The following GPS2 variants were observed in gnomAD, a reference collection of about 807,000 sequenced individuals.
GPS2 encodes GPS-2.
A neutral mutation model predicts 48.1 loss-of-function variants in GPS2; 22 were observed. The observed-to-expected ratio is 0.46, with a 90% confidence interval of 0.33 to 0.65. The LOEUF (loss-of-function observed/expected upper bound fraction) is 0.65, where lower values mean the gene tolerates loss of function less well. Among genes scored for constraint, GPS2 ranks in the 30% least tolerant of loss-of-function variants. The pLI is 0.03. For synonymous variants in GPS2, 202 were observed against 142.5 expected, an observed-to-expected ratio of 1.42 and a Z score of -2.98; for missense variants, 366 against 406.8, an observed-to-expected ratio of 0.90 and a Z score of 0.86.
Position 7,315,007 on chromosome 17 carries a change from T to A in GPS2, c.46A>T (p.Arg16Trp). ...ERPKLSNAMA[R>W]ALHRHIMMER... ...ATCATAATGTGCCGGTGCAGCGCCC[T>A]GGCCATGGCGTTGGAAAGCTTGGGG... Residue 16 changes from arginine to tryptophan, a missense_variant, in exon 2 of 11, where the codon AGG (arginine) becomes TGG (tryptophan). Coordinates refer to ENST00000380728, the MANE Select transcript of GPS2 (RefSeq NM_004489.5). 6.2e-7 allele frequency: 1 copy of A among 1,604,600 alleles called. No individual in the cohort carries two copies. Among genetic ancestry groups the A allele is most frequent in the Non-Finnish European group, 8.5e-7 (1 of 1,176,344 alleles).
In GPS2 at chr17:7,313,559, A is replaced by G. The variant is rs1159447408; in HGVS notation, c.634+9T>C. 7 of 1,613,526 alleles carry G rather than the reference A, an allele frequency of 4.3e-6. No homozygotes were observed. The highest frequency in any genetic ancestry group is 1.3e-5 in the African/African-American group (1 of 74,890). On this transcript the variant is annotated intron_variant, in intron 7 of 10. Transcript: ENST00000380728. ...AGGAAGGCCAAGCCCCATCCCTCCT[A>G]TTACTCACCTCTGAGCTGCTGACTA... is the stretch of plus-strand genomic sequence containing the variant.
chr17:7,312,742 ATATAATCTGATGG>A lies in GPS2; in HGVS notation c.*1_*13del, dbSNP rs1314588903. On this transcript the variant is annotated 3_prime_UTR_variant, in exon 11 of 11. Coordinates refer to ENST00000380728, the MANE Select transcript of GPS2 (RefSeq NM_004489.5). ...TGGGGTGGGGGGTGTGGTGTTGAAG[ATATAATCTGATGG>A]TCACTTGTGGTAGAATCGCGGGTTC... 10 of 1,604,874 alleles carry A rather than the reference ATATAATCTGATGG, an allele frequency of 6.2e-6. No homozygotes were observed. Among genetic ancestry groups the A allele is most frequent in the Non-Finnish European group, 5.1e-6 (6 of 1,171,672 alleles).
Position 7,314,948 on chromosome 17 carries a change from C to A in GPS2, c.94+11G>T. On this transcript the variant is annotated intron_variant, in intron 2 of 10. Coordinates refer to ENST00000380728, the MANE Select transcript of GPS2 (RefSeq NM_004489.5). ...TGGGCCGTGCGTCCCCCTGCTATGG[C>A]CCCGGCTCACCCTGCCGCTTGCGCT... 1 of 1,566,000 alleles carries A rather than the reference C, an allele frequency of 6.4e-7. No individual in the cohort carries two copies. The highest frequency in any genetic ancestry group is 8.6e-7 in the Non-Finnish European group (1 of 1,156,138).
intron 6 of GPS2, 85 bp downstream of exon 6, chr17:7,313,821 G>A (rs2072898503): frequency 4.5e-6 from 7 of 1,566,786 alleles, no homozygotes; most frequent in South Asian, 3.4e-5. Context: ...AAACTTAAGT[G>A]CTTGATATGT....
intron 6 of GPS2, 56 bp downstream of exon 6, chr17:7,313,850 T>C: frequency 6.4e-7 from 1 of 1,569,352 alleles, no homozygotes; most frequent in Non-Finnish European, 8.8e-7. Flanking sequence ...TGAATACTGG[T>C]GGCAAGGATG....
intron 5 of GPS2, 25 bp from the exon 6 acceptor site, chr17:7,314,013 A>C: frequency 6.2e-7 from 1 of 1,612,130 alleles, no homozygotes; most frequent in South Asian, 1.1e-5. Flanking sequence ...GGGCTTCATG[A>C]TGCTGAAATG....
chr17:7,313,462 C>T lies in GPS2; in HGVS notation c.642G>A (p.Ser214=), dbSNP rs753127153. 28 of 1,613,970 alleles carry T rather than the reference C, an allele frequency of 1.7e-5. No homozygotes were observed. The highest frequency in any genetic ancestry group is 1.1e-4 in the South Asian group (10 of 91,070). ...ATAGGTACTGCACTGCAGGGAATGC[C>T]GAAGGAGCTGAGAAAGGAAAAGACA... ...YSPSQQLRAP[S]AFPAVQYLSQ... Residue 214 remains serine (S), a synonymous_variant, in exon 8 of 11, where the codon TCG becomes TCA. Coordinates refer to ENST00000380728, the MANE Select transcript of GPS2 (RefSeq NM_004489.5).
Position 7,314,283 on chromosome 17 carries a change from G to A in GPS2, c.317+8C>T, listed in dbSNP as rs750683832. On this transcript the variant is annotated splice_region_variant and intron_variant, in intron 4 of 10. Transcript: ENST00000380728. Reference sequence around the variant, plus strand: ...CCCCCATTTCAGTTTTTAGCACTCTGATCCCACCTCTGTTCCTTTCGCCTC... The same window carrying A: ...CCCCCATTTCAGTTTTTAGCACTCTAATCCCACCTCTGTTCCTTTCGCCTC... 1.2e-6 allele frequency: 2 copies of A among 1,613,162 alleles called. No homozygotes were observed. Among genetic ancestry groups the A allele is most frequent in the Non-Finnish European group, 1.7e-6 (2 of 1,179,286 alleles).
chr17:7,313,809 C>T (rs2072898382), intron 6 of GPS2, 88 bp from the exon 7 acceptor site: 11 of 1,577,622 alleles, frequency 7.0e-6, no homozygotes, highest in Middle Eastern at 1.7e-4. Flanking sequence ...CCGTTTCCCC[C>T]TAAACTTAAG....
chr17:7,313,830 GT>G, intron 6 of GPS2, 75 bp downstream of exon 6: 1 of 1,566,382 alleles, frequency 6.4e-7, no homozygotes. Context: ...TGCTTGATAT[GT>G]TTGTGACTTG....
At chr17:7,314,830 C>T in intron 2 of GPS2, 129 bp downstream of exon 2, 2 of 1,310,214 alleles carry the variant, frequency 1.5e-6, no homozygotes, top group Non-Finnish European at 2.2e-6. Context: ...AATCCCACCA[C>T]AACGGGGCTA....
In GPS2 at chr17:7,312,673, G is replaced by A. The variant is rs1394059856; in HGVS notation, c.*83C>T. 6.3e-6 allele frequency: 7 copies of A among 1,113,184 alleles called. No individual in the cohort carries two copies. The South Asian group carries it at 8.7e-5, about 14-fold the overall frequency. The allele number at this position is 1,113,184 out of a possible 1,614,324, so 69.0% of individuals were successfully genotyped here. On this transcript the variant is annotated 3_prime_UTR_variant, in exon 11 of 11. Transcript: ENST00000380728. ...CAGCAGCCAGGGGCAGTGGCAGGTA[G>A]ATTTTATTGGCCTGGGACACACAGG...
intron 1 of GPS2, 22 bp downstream of exon 1, chr17:7,315,309 C>G (rs979163107): frequency 1.9e-5 from 7 of 373,460 alleles, no homozygotes; most frequent in African/African-American, 4.2e-5. Context: ...GCCCAGCCAG[C>G]GCGGACGACT....
intron 1 of GPS2, 26 bp from the exon 2 acceptor site, chr17:7,315,145 G>A (rs1370530048): frequency 7.5e-6 from 7 of 937,780 alleles, no homozygotes; most frequent in South Asian, 6.0e-5. Flanking sequence ...CGCTCAGAGG[G>A]GGCCGCGCCC....
At position 7,313,409 on chromosome 17, in the gene GPS2, A is replaced by C; in HGVS notation, c.695T>G (p.Val232Gly). ...CTGAGTGGGCTGAAAGTGGCCATGC[A>C]CAGCATAGGGCTGTGGCTGTGGCTG... ...LSQPQPQPYA[V>G]HGHFQPTQTG... Residue 232 changes from valine to glycine, a missense_variant, in exon 8 of 11, where the codon GTG (valine) becomes GGG (glycine). Around this residue, in one of 3 missense-constraint regions of GPS2, gnomAD observed 275 missense variants for 282.3 expected, o/e 0.97. Transcript: ENST00000380728. 6.2e-7 allele frequency: 1 copy of C among 1,614,194 alleles called. No homozygotes were observed. The highest frequency in any genetic ancestry group is 8.5e-7 in the Non-Finnish European group (1 of 1,180,024).
At position 7,314,314 on chromosome 17, in the gene GPS2, T is replaced by C. The variant is rs1352634290; in HGVS notation, c.294A>G (p.Glu98=). 6.8e-6 allele frequency: 11 copies of C among 1,614,230 alleles called. No homozygotes were observed. The East Asian group carries it at 2.0e-4, about 29-fold the overall frequency. The change falls in exon 4 of 11, where the codon GAA becomes GAG. Residue 98 remains glutamate, a synonymous_variant. Transcript: ENST00000380728. Reference sequence around the variant, plus strand: ...ACCTCTGTTCCTTTCGCCTCCGTTTTTCTTCCTCATGTAAAACTTTCTTGA... The same window carrying C: ...ACCTCTGTTCCTTTCGCCTCCGTTTCTCTTCCTCATGTAAAACTTTCTTGA... ...LQLKKVLHEE[E]KRRRKEQSDL...
chr17:7,314,724 T>G (rs2072914852), intron 2 of GPS2, 127 bp from the exon 3 acceptor site: 1 of 1,539,998 alleles, frequency 6.5e-7, no homozygotes, highest in Non-Finnish European at 8.8e-7. Context: ...GGGGACAAGC[T>G]CCCCATCGCG....
chr17:7,313,513 G>A (rs767712635), intron 7 of GPS2, 44 bp from the exon 8 acceptor site: 48 of 1,613,484 alleles, frequency 3.0e-5, no homozygotes, highest in Non-Finnish European at 4.0e-5. Context: ...TTTACTGAAT[G>A]GCATTCCTCC....
rs969081050 is a variant in GPS2, at chr17:7,314,237, C to T, written c.317+54G>A. The T allele has an allele frequency of 2.5e-6, 4 of 1,592,622 alleles. No homozygotes were observed. In the African/African-American group the frequency reaches 5.4e-5, roughly 21 times the overall value. ...CCATTAAACACTGGTTCTTTTACTACCTGATCCCAGTTCCACTTGGCCCCC... is the reference window on the plus strand; with the variant it reads ...CCATTAAACACTGGTTCTTTTACTATCTGATCCCAGTTCCACTTGGCCCCC... On this transcript the variant is annotated intron_variant, in intron 4 of 10. Transcript: ENST00000380728.
Sources: gnomAD v4.1 joint callset for allele counts on GRCh38, gnomAD v4.1.1 for gene constraint, gnomAD v4.1.1 regional missense constraint, MANE v1.5 for transcripts, NCBI Gene and HGNC (gene_info 2026-07-23, HGNC 2026-07-21) for gene names.